The following CDKN2A variants were observed in gnomAD, a reference collection of about 807,000 sequenced individuals.
CDKN2A encodes the protein cyclin dependent kinase inhibitor 2A, also known as cyclin-dependent kinase inhibitor 2A.
CDKN2A carries 3 observed loss-of-function variants against 11.1 expected under a neutral mutation model. The ratio of observed to expected loss-of-function variants is 0.27; its 90% confidence interval spans 0.12 to 0.70. The LOEUF is 0.70. CDKN2A is among the 30% of genes least tolerant of loss of function. The pLI is 0.77. For missense variants in CDKN2A, 265 were observed against 233.6 expected (o/e 1.13, Z -0.88); for synonymous variants, 122 against 108.1 (o/e 1.13, Z -0.80).
chr9:21,970,416 T>C, intron 2 of CDKN2A: 1 of 318,290 alleles, frequency 3.1e-6, no homozygotes, highest in Non-Finnish European at 5.8e-6. Flanking sequence ...TCAGATTAGT[T>C]GAGTTGTGCA....
At chr9:21,993,897 G>A (rs1416341921) in exon 2 of CDKN2A, 1 of 581,084 alleles carries the variant, frequency 1.7e-6, no homozygotes, top group African/African-American at 1.9e-5. Context: ...TCTGAGGTGG[G>A]TTTAGAAGCT....
chr9:21,987,169 C>G (rs1237660504), intron 2 of CDKN2A, among the ~76,000 whole-genome samples: 5 of 151,696 alleles, frequency 3.3e-5, no homozygotes, highest in Non-Finnish European at 4.4e-5. Flanking sequence ...TATATTTCCC[C>G]CCCCATCACT....
In CDKN2A at chr9:21,971,038, G is replaced by A. The variant is rs772527888; in HGVS notation, c.321C>T (p.Arg107=). 6.2e-7 allele frequency: 1 copy of A among 1,606,036 alleles called. No homozygotes were observed. Among genetic ancestry groups the A allele is most frequent in the Non-Finnish European group, 8.5e-7 (1 of 1,179,380 alleles). The change falls in exon 2 of 3, where the codon CGC becomes CGT. Residue 107 remains arginine (R), a synonymous_variant. Transcript: ENST00000304494. ...CCACGGGCAGACGGCCCCAGGCATCGCGCACGTCCAGCCGCGCCCCGGCCC... is the reference window on the plus strand; with the variant it reads ...CCACGGGCAGACGGCCCCAGGCATCACGCACGTCCAGCCGCGCCCCGGCCC... ...LHRAGARLDV[R]DAWGRLPVDL... is the part of the protein sequence containing the mutation.
intron 2 of CDKN2A, among the ~76,000 whole-genome samples, chr9:21,985,430 T>C (rs1366519836): frequency 6.6e-6 from 1 of 151,956 alleles, no homozygotes; most frequent in Non-Finnish European, 1.5e-5. Context: ...CTGCCTATCA[T>C]TCCTTTCATC....
chr9:21,979,695 T>A (rs968213226), upstream of CDKN2A, among the ~76,000 whole-genome samples: 1 of 152,088 alleles, frequency 6.6e-6, no homozygotes, highest in Non-Finnish European at 1.5e-5. Flanking sequence ...AGTTTGAGAA[T>A]CGTAAAGGTT....
rs1819535566 is a variant in CDKN2A at position 21,968,739 on chromosome 9, T to G, written c.458-497A>C. ...CCGTAGCTTCCCTACGCATGCCTGC[T>G]TCTACAAACCCACAAATGGTTTCCG... On this transcript the variant is annotated intron_variant, in intron 2 of 2. Coordinates refer to ENST00000304494, the MANE Select transcript of CDKN2A (RefSeq NM_000077.5). The surrounding 1 kb of genome is among the most constrained non-coding windows in gnomAD (Gnocchi z 4.7). 6.5e-7 allele frequency: 1 copy of G among 1,536,022 alleles called. No individual in the cohort carries two copies. Among genetic ancestry groups the G allele is most frequent in the Non-Finnish European group, 8.7e-7 (1 of 1,146,908 alleles).
chr9:21,974,601 GATTCCA>G lies in CDKN2A; in HGVS notation c.150+71_150+76del, dbSNP rs753508262. 126 of 1,613,904 alleles carry G rather than the reference GATTCCA, an allele frequency of 7.8e-5. No homozygotes were observed. Among genetic ancestry groups the G allele is most frequent in the Non-Finnish European group, 1.0e-4 (123 of 1,180,016 alleles). On this transcript the variant is annotated intron_variant, in intron 1 of 2. Coordinates refer to ENST00000304494, the MANE Select transcript of CDKN2A (RefSeq NM_000077.5). The surrounding 1 kb of genome is among the most constrained non-coding windows in gnomAD (Gnocchi z 5.2). ...TTTCCGGAGAATCGAAGCGCTACCTGATTCCAATTCCCCTGCAAACTTCGTCCTCCA... is the reference window on the plus strand; with the variant it reads ...TTTCCGGAGAATCGAAGCGCTACCTGATTCCCCTGCAAACTTCGTCCTCCA...
At chr9:21,975,064 C>G (rs566533797), upstream of CDKN2A, 2 of 1,331,684 alleles carry the variant, frequency 1.5e-6, no homozygotes, top group African/African-American at 3.1e-5. Context: ...GAGCACTTAG[C>G]GAATGTGGCA....
At position 21,968,658 on chromosome 9, in the gene CDKN2A, A is replaced by T. The variant is rs2131081342; in HGVS notation, c.458-416T>A. 14 of 1,534,880 alleles carry T rather than the reference A, an allele frequency of 9.1e-6. No individual in the cohort carries two copies. The highest frequency in any genetic ancestry group is 1.2e-5 in the Non-Finnish European group (14 of 1,146,038). Reference sequence around the variant, plus strand: ...TTTTGCACCTGGTGCGGAGTGAGCCAGCCAGCTTGCGATAACCAAAGGGCG... The same window carrying T: ...TTTTGCACCTGGTGCGGAGTGAGCCTGCCAGCTTGCGATAACCAAAGGGCG... On this transcript the variant is annotated intron_variant, in intron 2 of 2. Transcript: ENST00000304494. The surrounding 1 kb of genome is among the most constrained non-coding windows in gnomAD (Gnocchi z 4.7).
chr9:21,969,720 G>A (rs1056250184), intron 2 of CDKN2A: 31 of 398,022 alleles, frequency 7.8e-5, no homozygotes, highest in Non-Finnish European at 1.3e-4. Context: ...CTTCTAAATC[G>A]GGACCCGGAT....
chr9:21,969,710 C>A lies in CDKN2A; in HGVS notation c.457+1192G>T, dbSNP rs545168936. 4.0e-5 allele frequency: 16 copies of A among 398,088 alleles called. 1 individual carries two copies. In the South Asian group the frequency reaches 1.9e-3, roughly 48 times the overall value. 24.7% of individuals were successfully genotyped at this position (398,088 alleles called of 1,614,324 possible). A position where few individuals can be genotyped will look rare whatever the true frequency, so the allele number is the denominator to read the frequency against. On this transcript the variant is annotated intron_variant, in intron 2 of 2. Coordinates refer to ENST00000304494, the MANE Select transcript of CDKN2A (RefSeq NM_000077.5). Reference sequence around the variant, plus strand: ...GGAACCGCGCTGTAATTGGCAGCTCCTTCTAAATCGGGACCCGGATGCTAG... The same window carrying A: ...GGAACCGCGCTGTAATTGGCAGCTCATTCTAAATCGGGACCCGGATGCTAG...
At chr9:21,990,156 G>A (rs535089560) in intron 2 of CDKN2A, among the ~76,000 whole-genome samples, 3 of 152,114 alleles carry the variant, frequency 2.0e-5, no homozygotes, top group Non-Finnish European at 4.4e-5. Context: ...TGCTTGTGGG[G>A]TGGGGTAGTG....
At chr9:21,971,549 T>C in intron 1 of CDKN2A, 1 of 279,820 alleles carries the variant, frequency 3.6e-6, no homozygotes, top group Non-Finnish European at 6.4e-6. Flanking sequence ...CTGAAATTTC[T>C]TCCTGAAATT....
At chr9:21,994,370 C>G in intron 1 of CDKN2A, 1 of 1,607,596 alleles carries the variant, frequency 6.2e-7, no homozygotes, top group South Asian at 1.1e-5. Context: ...GCAGCCGCTG[C>G]GCCGCCCTTT....
chr9:21,972,070 G>A (rs1347826400), intron 1 of CDKN2A, among the ~76,000 whole-genome samples: 1 of 150,978 alleles, frequency 6.6e-6, no homozygotes, highest in Non-Finnish European at 1.5e-5. Context: ...GAATGTAATT[G>A]TTTTATATTT....
chr9:21,977,229 G>A (rs908741621), upstream of CDKN2A, among the ~76,000 whole-genome samples: 4 of 152,150 alleles, frequency 2.6e-5, no homozygotes, highest in East Asian at 3.8e-4. Flanking sequence ...TCAAACTATC[G>A]ATAAATAAAA....
chr9:21,974,363 T>C lies in CDKN2A; in HGVS notation c.150+315A>G. The C allele has an allele frequency of 1.3e-6, 2 of 1,513,202 alleles. No individual in the cohort carries two copies. The highest frequency in any genetic ancestry group is 2.4e-5 in the South Asian group (2 of 84,172). 93.7% of individuals were successfully genotyped at this position (1,513,202 alleles called of 1,614,324 possible). A position where few individuals can be genotyped will look rare whatever the true frequency, so the allele number is the denominator to read the frequency against. ...ACATTTCTTTAAGACTCCCTTTTTA[T>C]CCCAAACGTTCGTAAATTTTGTATC... On this transcript the variant is annotated intron_variant, in intron 1 of 2. Coordinates refer to ENST00000304494, the MANE Select transcript of CDKN2A (RefSeq NM_000077.5). The surrounding 1 kb of genome is among the most constrained non-coding windows in gnomAD (Gnocchi z 5.2).
In CDKN2A at chr9:21,971,153, T is replaced by C. The variant is rs372670098; in HGVS notation, c.206A>G (p.Glu69Gly). The C allele has an allele frequency of 4.2e-5, 67 of 1,593,674 alleles. No individual in the cohort carries two copies. Among genetic ancestry groups the C allele is most frequent in the Non-Finnish European group, 5.6e-5 (66 of 1,176,784 alleles). ...VAELLLLHGA[E>G]PNCADPATLT... Reference sequence around the variant, plus strand: ...AGTGGCGGGGTCGGCGCAGTTGGGCTCCGCGCCGTGGAGCAGCAGCAGCTC... The same window carrying C: ...AGTGGCGGGGTCGGCGCAGTTGGGCCCCGCGCCGTGGAGCAGCAGCAGCTC... Residue 69 changes from glutamate to glycine, a missense_variant, in exon 2 of 3, where the codon GAG (glutamate) becomes GGG (glycine). Coordinates refer to ENST00000304494, the MANE Select transcript of CDKN2A (RefSeq NM_000077.5).
chr9:21,980,783 C>A (rs891530690), intron 2 of CDKN2A, among the ~76,000 whole-genome samples: 13 of 150,636 alleles, frequency 8.6e-5, no homozygotes, highest in African/African-American at 3.2e-4. Context: ...CACGGTGAAA[C>A]CCCATCTCTA....
Sources: allele counts gnomAD v4.1 joint callset (sites outside exome capture counted in the v4.1 genomes callset), GRCh38; gene constraint gnomAD v4.1.1; non-coding constraint Gnocchi (gnomAD v3.1); transcripts MANE v1.5; gene names NCBI Gene and HGNC (gene_info 2026-07-23, HGNC 2026-07-21).